HSF5: variants seen among roughly 807,000 people sequenced by gnomAD.
HSF5 encodes heat shock transcription factor 5.
Under a neutral mutation model 50.8 loss-of-function variants are expected in HSF5, and 5 were observed. The observed-to-expected ratio is 0.10, with a 90% CI of 0.05 to 0.21. The LOEUF is 0.21. HSF5 is among the 10% of genes least tolerant of loss of function. The pLI is 1.00. For missense variants in HSF5, 564 were observed against 762.6 expected (o/e 0.74, Z 3.07); for synonymous variants, 307 against 307.4 (o/e 1.00, Z 0.02).
rs1975102890 is a variant in HSF5 at position 58,481,923 on chromosome 17, C to T, written c.551-1656G>A. Reference sequence around the variant, plus strand: ...GCTGAGGCAGGAGAATCGCTTGAACCCAGGAGGTGGAGGTTGCAGTAAGCT... The same window carrying T: ...GCTGAGGCAGGAGAATCGCTTGAACTCAGGAGGTGGAGGTTGCAGTAAGCT... On this transcript the variant is annotated intron_variant, in intron 1 of 5. Coordinates refer to ENST00000323777, the MANE Select transcript of HSF5 (RefSeq NM_001080439.3). Among the ~76,000 whole-genome samples the T allele has an allele frequency of 3.9e-5, 6 of 152,098 alleles. No homozygotes were observed. The South Asian group carries it at 1.2e-3, about 32-fold the overall frequency.
chr17:58,436,112 GTT>G (rs1181182822), intron 5 of HSF5, among the ~76,000 whole-genome samples: 1 of 151,996 alleles, frequency 6.6e-6, no homozygotes, highest in Non-Finnish European at 1.5e-5. Context: ...CAGAATCCAG[GTT>G]TTAATGCAGG....
intron 5 of HSF5, 144 bp from the exon 6 acceptor site, chr17:58,422,574 G>A (rs538780522): frequency 1.3e-4 from 75 of 582,494 alleles, no homozygotes; most frequent in African/African-American, 1.2e-3. Flanking sequence ...TCTCAATTTC[G>A]GGATATTCCT....
Position 58,450,261 on chromosome 17 carries a change from C to A in HSF5, c.1720+8507G>T, listed in dbSNP as rs4793947. 6.2e-3 allele frequency among the ~76,000 whole-genome samples: 873 copies of A among 141,904 alleles called. 32 individuals carry two copies. Among genetic ancestry groups the A allele is most frequent in the Admixed American group, 0.055 (746 of 13,570 alleles). The allele number at this position is 141,904 out of a possible 152,430, so 93.1% of individuals were successfully genotyped here. On this transcript the variant is annotated intron_variant, in intron 5 of 5. Transcript: ENST00000323777. ...GGCTGAGGCACGAGAATCATTTGAA[C>A]CCAGGAGGCAGAGTTTGCAGTGAGC...
chr17:58,434,698 A>T (rs74732809), intron 5 of HSF5, among the ~76,000 whole-genome samples: 15 of 152,202 alleles, frequency 9.9e-5, no homozygotes, highest in South Asian at 4.1e-4. Flanking sequence ...TATAAAAATT[A>T]AAAAAATTAG....
intron 1 of HSF5, among the ~76,000 whole-genome samples, chr17:58,483,899 T>C (rs1260495195): frequency 2.6e-5 from 4 of 151,342 alleles, no homozygotes; most frequent in Admixed American, 6.6e-5. Context: ...AAATAGAACA[T>C]AGAAAAAATG....
intron 3 of HSF5, among the ~76,000 whole-genome samples, chr17:58,463,953 A>G (rs1034158037): frequency 3.3e-5 from 5 of 152,258 alleles, no homozygotes; most frequent in African/African-American, 1.2e-4. Flanking sequence ...TTGGTGATAA[A>G]GATCTGTGAA....
intron 2 of HSF5, among the ~76,000 whole-genome samples, chr17:58,479,209 C>T (rs1336058457): frequency 6.6e-6 from 1 of 151,792 alleles, no homozygotes; most frequent in Admixed American, 6.6e-5. Flanking sequence ...GTAATCTCAC[C>T]TTAAGATTAA....
chr17:58,479,608 G>A (rs868108009), intron 2 of HSF5, among the ~76,000 whole-genome samples: 8 of 151,990 alleles, frequency 5.3e-5, no homozygotes, highest in African/African-American at 1.9e-4. Context: ...TGGCCTTGGG[G>A]TACTAAGTCT....
intron 5 of HSF5, among the ~76,000 whole-genome samples, chr17:58,435,722 A>G (rs897989163): frequency 6.6e-6 from 1 of 151,556 alleles, no homozygotes; most frequent in Admixed American, 6.6e-5. Context: ...ACATGGTGAA[A>G]CCCCATCTCT....
chr17:58,477,026 A>ACG, intron 2 of HSF5: 1 of 553,000 alleles, frequency 1.8e-6, no homozygotes, highest in Non-Finnish European at 3.2e-6. Context: ...CTCACGGCAC[A>ACG]CGCGCGGGCG....
chr17:58,428,426 G>A (rs1209169446), intron 5 of HSF5, among the ~76,000 whole-genome samples: 4 of 152,262 alleles, frequency 2.6e-5, no homozygotes, highest in East Asian at 1.9e-4. Flanking sequence ...TTGGGAGGCC[G>A]AGGTGGGCAG....
chr17:58,442,823 C>A (rs1237184681), intron 5 of HSF5, among the ~76,000 whole-genome samples: 1 of 151,984 alleles, frequency 6.6e-6, no homozygotes, highest in Non-Finnish European at 1.5e-5. Flanking sequence ...CTGCAACCTC[C>A]ACCTCCCAGA....
At chr17:58,484,290 A>C (rs913226964) in intron 1 of HSF5, among the ~76,000 whole-genome samples, 2 of 152,150 alleles carry the variant, frequency 1.3e-5, no homozygotes, top group African/African-American at 4.8e-5. Context: ...ATACTGAAAA[A>C]CCATGAATTT....
chr17:58,439,270 G>GA (rs995663936), intron 5 of HSF5, among the ~76,000 whole-genome samples: 86 of 126,212 alleles, frequency 6.8e-4, no homozygotes, highest in African/African-American at 9.9e-4. Flanking sequence ...AAAGCCAATG[G>GA]AAAAAAAAAA....
At chr17:58,471,088 T>G (rs565988400) in intron 2 of HSF5, among the ~76,000 whole-genome samples, 1 of 152,322 alleles carries the variant, frequency 6.6e-6, no homozygotes, top group African/African-American at 2.4e-5. Context: ...AGTTAGTGGT[T>G]AGCAGGTACA....
chr17:58,469,059 C>G (rs539416908), intron 2 of HSF5, among the ~76,000 whole-genome samples: 1 of 149,770 alleles, frequency 6.7e-6, no homozygotes, highest in East Asian at 2.0e-4. Context: ...TAGCTAAACA[C>G]CAAGCAGGAT....
chr17:58,470,341 A>G (rs1255137381), intron 2 of HSF5, among the ~76,000 whole-genome samples: 2 of 152,236 alleles, frequency 1.3e-5, no homozygotes, highest in Admixed American at 6.5e-5. Context: ...AGCCTTTAAA[A>G]GGAAGAAAAT....
At position 58,480,056 on chromosome 17, in the gene HSF5, C is replaced by T. The variant is rs185596680; in HGVS notation, c.762G>A (p.Pro254=). ...TTGGAAACCTCTGGAGTACAGGAAA[C>T]GGAACCCCTTTATCTGAAAATGTGG... ...TSPTFSDKGV[P]FPVLQRFPTE... The change falls in exon 2 of 6, where the codon CCG becomes CCA. Residue 254 remains proline (P), a synonymous_variant. Transcript: ENST00000323777. 2.1e-5 allele frequency: 34 copies of T among 1,614,092 alleles called. No individual in the cohort carries two copies. In the Admixed American group the frequency reaches 3.0e-4, roughly 14 times the overall value.
chr17:58,446,200 C>G (rs541373767), intron 5 of HSF5, among the ~76,000 whole-genome samples: 16 of 151,044 alleles, frequency 1.1e-4, no homozygotes, highest in African/African-American at 3.6e-4. Context: ...AGTTTTGAAT[C>G]CTCTAGTGAT....
Sources: gnomAD v4.1 joint callset for allele counts (sites outside exome capture counted in the v4.1 genomes callset) on GRCh38, gnomAD v4.1.1 for gene constraint, MANE v1.5 for transcripts, NCBI Gene and HGNC (gene_info 2026-07-23, HGNC 2026-07-21) for gene names.